Variants in MTDH observed in about 807,000 individuals in gnomAD.
MTDH encodes the protein protein LYRIC.
A neutral mutation model predicts 72.7 loss-of-function variants in MTDH; 34 were observed. That is an observed-to-expected ratio of 0.47 (90% CI 0.36 to 0.62). The LOEUF (loss-of-function observed/expected upper bound fraction) is 0.62, where lower values mean the gene tolerates loss of function less well. Ranked by LOEUF, MTDH falls within the 20% of genes least tolerant of loss-of-function variation. The pLI is 0.00. For missense variants in MTDH, 677 were observed against 699.4 expected (o/e 0.97, Z 0.36); for synonymous variants, 266 against 268.9 (o/e 0.99, Z 0.10).
chr8:97,694,475 G>C (rs906419777), intron 6 of MTDH, among the ~76,000 whole-genome samples: 2 of 152,080 alleles, frequency 1.3e-5, no homozygotes, highest in African/African-American at 2.4e-5. Flanking sequence ...GGGATTACAC[G>C]TGTGAGCCAC....
rs1171164763 is a variant in MTDH at position 97,691,153 on chromosome 8, G to A, written c.1013G>A (p.Arg338Lys). The change falls in exon 6 of 12, where the codon AGG becomes AAG. Residue 338 changes from arginine to lysine, a missense_variant. Coordinates refer to ENST00000336273, the MANE Select transcript of MTDH (RefSeq NM_178812.4). ...DANTNGKDWG[R>K]SWSDRSIFSG... ...AATACAAATGGAAAAGACTGGGGAA[G>A]GAGTTGGAGTGACCGTTCAATATTT... 1 of 1,612,202 alleles carries A rather than the reference G, an allele frequency of 6.2e-7. No individual in the cohort carries two copies.
chr8:97,670,880 C>G (rs1812585801), intron 2 of MTDH, among the ~76,000 whole-genome samples: 1 of 151,948 alleles, frequency 6.6e-6, no homozygotes, highest in Admixed American at 6.5e-5. Context: ...CCTCAGCCCC[C>G]CGAGTAACTG....
intron 6 of MTDH, chr8:97,696,279 ACT>A (rs1208827324): frequency 1.7e-5 from 17 of 985,094 alleles, no homozygotes; most frequent in Non-Finnish European, 1.8e-5. Flanking sequence ...CTCACACTTA[ACT>A]CTGCTGTTTC....
At chr8:97,671,123 G>T (rs1162882138) in intron 2 of MTDH, among the ~76,000 whole-genome samples, 1 of 151,876 alleles carries the variant, frequency 6.6e-6, no homozygotes, top group Admixed American at 6.6e-5. Flanking sequence ...CCACCACCGC[G>T]CCCGGCTAAT....
chr8:97,672,788 C>T (rs1812681137), intron 2 of MTDH, among the ~76,000 whole-genome samples: 1 of 152,136 alleles, frequency 6.6e-6, no homozygotes. Flanking sequence ...ATGTGAGAAC[C>T]GTATCTGGGG....
intron 7 of MTDH, among the ~76,000 whole-genome samples, chr8:97,702,254 T>C (rs1489920039): frequency 6.6e-6 from 1 of 152,218 alleles, no homozygotes; most frequent in Non-Finnish European, 1.5e-5. Flanking sequence ...ATAGAACTTT[T>C]TCTTGGCACA....
intron 10 of MTDH, among the ~76,000 whole-genome samples, chr8:97,719,408 G>T (rs1006131149): frequency 1.3e-5 from 2 of 148,448 alleles, no homozygotes; most frequent in Non-Finnish European, 3.0e-5. Flanking sequence ...CAGGAGAATC[G>T]CTTGAACCTG....
rs187398556 is a variant in MTDH, at chr8:97,679,556, A to G, written c.484-7112A>G. Among the ~76,000 whole-genome samples the G allele has an allele frequency of 2.0e-5, 3 of 152,318 alleles. No individual in the cohort carries two copies. In the East Asian group the frequency reaches 5.8e-4, roughly 29 times the overall value. ...ATGTGTCTTCCATTTTGATCTTCTT[A>G]CTTTTTCAAGTATAACAATATTTAA... On this transcript the variant is annotated intron_variant, in intron 2 of 11. Coordinates refer to ENST00000336273, the MANE Select transcript of MTDH (RefSeq NM_178812.4).
chr8:97,645,974 T>G (rs181089188), intron 1 of MTDH, among the ~76,000 whole-genome samples: 119 of 152,256 alleles, frequency 7.8e-4, no homozygotes, highest in Non-Finnish European at 4.7e-4. Flanking sequence ...TGGAGGGCAG[T>G]GCAAGGTATA....
chr8:97,661,277 A>T (rs1405265998), intron 2 of MTDH, 104 bp downstream of exon 2: 2 of 768,120 alleles, frequency 2.6e-6, no homozygotes, highest in Non-Finnish European at 2.0e-6. Flanking sequence ...CCTCTCATTT[A>T]AACAAAACTC....
chr8:97,663,027 A>T (rs1812235043), intron 2 of MTDH, among the ~76,000 whole-genome samples: 1 of 152,130 alleles, frequency 6.6e-6, no homozygotes, highest in Non-Finnish European at 1.5e-5. Flanking sequence ...GTAAGCATGT[A>T]ACATAAGGAG....
At chr8:97,720,946 G>A (rs1312834212) in intron 10 of MTDH, among the ~76,000 whole-genome samples, 1 of 151,128 alleles carries the variant, frequency 6.6e-6, no homozygotes, top group Non-Finnish European at 1.5e-5. Flanking sequence ...GAGCCACCAC[G>A]CCCGGCCTCT....
rs142598802 is a variant in MTDH at position 97,691,058 on chromosome 8, C to T, written c.918C>T (p.Ser306=). 1.7e-5 allele frequency: 28 copies of T among 1,613,962 alleles called. No homozygotes were observed. The African/African-American group carries it at 1.9e-4, about 11-fold the overall frequency. Reference sequence around the variant, plus strand: ...GTGCAGGTGAGGAGAAGTGGAACTCCGTTTCACCTGCTTCTGCAGGAAAGA... The same window carrying T: ...GTGCAGGTGAGGAGAAGTGGAACTCTGTTTCACCTGCTTCTGCAGGAAAGA... ...QISAGEEKWN[S]VSPASAGKRK... is the part of the protein sequence containing the mutation. Residue 306 remains serine (S), a synonymous_variant, in exon 6 of 12, where the codon TCC becomes TCT. Transcript: ENST00000336273.
At chr8:97,723,293 G>T (rs1815210625) in intron 11 of MTDH, among the ~76,000 whole-genome samples, 1 of 151,614 alleles carries the variant, frequency 6.6e-6, no homozygotes, top group Admixed American at 6.6e-5. Context: ...AGCTACTCGG[G>T]AGGCTGAGGC....
chr8:97,721,248 C>T (rs1004608505), intron 10 of MTDH, among the ~76,000 whole-genome samples: 2 of 151,920 alleles, frequency 1.3e-5, no homozygotes, highest in Non-Finnish European at 2.9e-5. Context: ...TCAAGACCAG[C>T]TGGGCAGAAT....
intron 2 of MTDH, among the ~76,000 whole-genome samples, chr8:97,668,575 A>G (rs1279370373): frequency 6.6e-6 from 1 of 151,392 alleles, no homozygotes; most frequent in African/African-American, 2.4e-5. Context: ...TTTTTTTGAG[A>G]CAGAGTCTAG....
chr8:97,719,318 C>T, intron 10 of MTDH, 129 bp downstream of exon 10: 3 of 869,740 alleles, frequency 3.4e-6, no homozygotes, highest in Non-Finnish European at 5.2e-6. Flanking sequence ...CATAGTGAAA[C>T]CCCGTCTCTA....
Position 97,690,947 on chromosome 8 carries a change from TTAAG to T in MTDH, c.812-3_812del. 6.3e-7 allele frequency: 1 copy of T among 1,588,812 alleles called. No homozygotes were observed. The highest frequency in any genetic ancestry group is 1.7e-4 in the Middle Eastern group (1 of 5,916). On this transcript the variant is annotated splice_acceptor_variant and splice_polypyrimidine_tract_variant and intron_variant, in intron 5 of 11. Transcript: ENST00000336273. LOFTEE classifies it high-confidence loss of function. ...TTTTTTAATATTCATTTTCTTTTCT[TTAAG>T]TTTCTTCAGGATTGAATGAAAACCT...
chr8:97,663,585 A>G (rs1005581674), intron 2 of MTDH, among the ~76,000 whole-genome samples: 3 of 152,072 alleles, frequency 2.0e-5, no homozygotes, highest in African/African-American at 4.8e-5. Context: ...CGTCTCTACT[A>G]AAAATATAAA....
Sources: gnomAD v4.1 joint callset for allele counts (sites outside exome capture counted in the v4.1 genomes callset) on GRCh38, gnomAD v4.1.1 for gene constraint, MANE v1.5 for transcripts, NCBI Gene and HGNC (gene_info 2026-07-23, HGNC 2026-07-21) for gene names.